The following ZFHX3 variants were observed in gnomAD, a reference collection of about 807,000 sequenced individuals.
The protein encoded by ZFHX3 is zinc finger homeobox 3, also known as zinc finger homeobox protein 3.
Under a neutral mutation model 279.1 loss-of-function variants are expected in ZFHX3, and 42 were observed. The ratio of observed to expected loss-of-function variants is 0.15; its 90% CI spans 0.12 to 0.19. ZFHX3 has a LOEUF of 0.19. Among genes scored for constraint, ZFHX3 ranks in the 10% least tolerant of loss-of-function variants. ZFHX3 has a pLI of 1.00. For missense variants in ZFHX3, 4,981 were observed against 4,754.0 expected (o/e 1.05, Z -1.40); for synonymous variants, 2,293 against 1,957.8 (o/e 1.17, Z -4.52).
intron 1 of ZFHX3, among the ~76,000 whole-genome samples, chr16:73,001,205 C>T (rs1337520674): frequency 1.3e-5 from 2 of 152,240 alleles, no homozygotes; most frequent in Non-Finnish European, 2.9e-5. Flanking sequence ...TTGTGAGCTG[C>T]TCTGTGGTGA....
chr16:73,546,671 T>TTGCTGCTGCTGCTGCTGC (rs57427757), intron 2 of ZFHX3, among the ~76,000 whole-genome samples: 59 of 143,524 alleles, frequency 4.1e-4, no homozygotes, highest in Middle Eastern at 3.6e-3. Flanking sequence ...GGTGCTGCTG[T>TTGCTGCTGCTGCTGCTGC]TGCTGCTGCT....
chr16:73,270,284 G>T (rs939204949), intron 4 of ZFHX3, among the ~76,000 whole-genome samples: 1 of 152,136 alleles, frequency 6.6e-6, no homozygotes, highest in Non-Finnish European at 1.5e-5. Flanking sequence ...TCAAATTCAT[G>T]TTGAAGACAG....
At chr16:73,617,221 C>G (rs959984418) in intron 2 of ZFHX3, among the ~76,000 whole-genome samples, 1 of 152,204 alleles carries the variant, frequency 6.6e-6, no homozygotes, top group African/African-American at 2.4e-5. Flanking sequence ...ATTGATATGA[C>G]GGGCTGCTTA....
chr16:73,879,468 C>T (rs1281717263), intron 1 of ZFHX3, among the ~76,000 whole-genome samples: 2 of 152,162 alleles, frequency 1.3e-5, no homozygotes, highest in Non-Finnish European at 2.9e-5. Context: ...CATTTGCACG[C>T]TTCCCTTTCA....
intron 4 of ZFHX3, among the ~76,000 whole-genome samples, chr16:73,298,218 T>A (rs72797388): frequency 0.013 from 1,613 of 126,580 alleles, 20 homozygotes; most frequent in Middle Eastern, 0.023. Context: ...AAAATCAGAA[T>A]TTTTTTTTTT....
At chr16:73,732,061 G>A (rs2053574056) in intron 1 of ZFHX3, among the ~76,000 whole-genome samples, 1 of 152,114 alleles carries the variant, frequency 6.6e-6, no homozygotes, top group Admixed American at 6.5e-5. Flanking sequence ...CTCTAACTCT[G>A]AATGAAACTC....
chr16:73,514,681 A>T (rs2019489941), intron 2 of ZFHX3, among the ~76,000 whole-genome samples: 1 of 152,218 alleles, frequency 6.6e-6, no homozygotes, highest in Non-Finnish European at 1.5e-5. Flanking sequence ...AAGAAGCCGA[A>T]CCTCTGCCTT....
chr16:73,601,448 C>T (rs973592041), intron 2 of ZFHX3, among the ~76,000 whole-genome samples: 5 of 145,380 alleles, frequency 3.4e-5, no homozygotes, highest in African/African-American at 1.0e-4. Flanking sequence ...CCAGCCTGGG[C>T]GACAGACTGA....
intron 1 of ZFHX3, among the ~76,000 whole-genome samples, chr16:73,681,341 G>A (rs997385252): frequency 1.3e-5 from 2 of 152,182 alleles, no homozygotes; most frequent in African/African-American, 4.8e-5. Flanking sequence ...AGCGAAGGCA[G>A]AAGTGTCTCT....
chr16:72,934,787 G>A (rs1960024219), intron 3 of ZFHX3, among the ~76,000 whole-genome samples: 1 of 152,158 alleles, frequency 6.6e-6, no homozygotes. Context: ...TAGTGCAGTG[G>A]TTCTCAAACT....
chr16:73,798,108 C>T (rs959209442), intron 1 of ZFHX3, among the ~76,000 whole-genome samples: 1 of 152,124 alleles, frequency 6.6e-6, no homozygotes, highest in African/African-American at 2.4e-5. Flanking sequence ...CGCACTCGGT[C>T]CTTCTGAGAC....
At chr16:73,012,203 C>A (rs537310352) in intron 1 of ZFHX3, among the ~76,000 whole-genome samples, 4 of 152,180 alleles carry the variant, frequency 2.6e-5, no homozygotes, top group Admixed American at 1.3e-4. Context: ...GTACAACTAA[C>A]GGGCAGACAG....
At chr16:73,399,728 C>T (rs1207366981) in intron 3 of ZFHX3, among the ~76,000 whole-genome samples, 3 of 151,998 alleles carry the variant, frequency 2.0e-5, no homozygotes, top group Non-Finnish European at 4.4e-5. Flanking sequence ...ATGTGTCATT[C>T]CAGCATCACC....
At chr16:73,641,244 T>C (rs565337719) in intron 2 of ZFHX3, among the ~76,000 whole-genome samples, 3 of 151,706 alleles carry the variant, frequency 2.0e-5, no homozygotes, top group African/African-American at 7.3e-5. Context: ...AAGCATAAAA[T>C]CCAGGGAAAG....
intron 2 of ZFHX3, among the ~76,000 whole-genome samples, chr16:73,657,434 G>T (rs910632996): frequency 6.6e-6 from 1 of 152,178 alleles, no homozygotes; most frequent in Non-Finnish European, 1.5e-5. Context: ...CTCCAGCCTG[G>T]GTGACAGAGC....
chr16:73,724,464 C>T (rs575820835), intron 1 of ZFHX3, among the ~76,000 whole-genome samples: 43 of 152,312 alleles, frequency 2.8e-4, no homozygotes, highest in Non-Finnish European at 5.1e-4. Context: ...TCATTGAGAA[C>T]CCCACTGTTC....
Position 73,076,925 on chromosome 16 carries a change from C to T in ZFHX3, c.-533+16310G>A, listed in dbSNP as rs555522025. 2.6e-5 allele frequency among the ~76,000 whole-genome samples: 4 copies of T among 151,954 alleles called. No individual in the cohort carries two copies. The East Asian group carries it at 7.7e-4, about 29-fold the overall frequency. On this transcript the variant is annotated intron_variant, in intron 8 of 17. Coordinates refer to the ZFHX3 transcript ENST00000641206. ...CACACACACACGACTGATCTTCCAA[C>T]CATATCTGAATAATCAAAACCATGA... is the stretch of plus-strand genomic sequence containing the variant.
intron 5 of ZFHX3, among the ~76,000 whole-genome samples, chr16:73,153,377 C>T (rs556650930): frequency 2.6e-5 from 4 of 152,254 alleles, no homozygotes; most frequent in Middle Eastern, 3.4e-3. Context: ...CTCCTGCCTC[C>T]GTCTCCCAAA....
intron 4 of ZFHX3, among the ~76,000 whole-genome samples, chr16:72,886,540 G>C (rs575874675): frequency 6.6e-6 from 1 of 152,184 alleles, no homozygotes; most frequent in Non-Finnish European, 1.5e-5. Flanking sequence ...ACACTGTTTA[G>C]TGTGGGGCAC....
Sources: allele counts gnomAD v4.1 joint callset (sites outside exome capture counted in the v4.1 genomes callset), GRCh38; gene constraint gnomAD v4.1.1; transcripts MANE v1.5; gene names NCBI Gene and HGNC (gene_info 2026-07-23, HGNC 2026-07-21).